EHMT1: variants seen among roughly 807,000 people sequenced by gnomAD.
EHMT1 encodes euchromatic histone lysine methyltransferase 1, also known as histone-lysine N-methyltransferase EHMT1.
In EHMT1, 15 loss-of-function variants were observed where a neutral mutation model predicts 147.2. That is an observed-to-expected ratio of 0.10 (90% CI 0.07 to 0.16). The LOEUF is 0.16. EHMT1 is among the 10% of genes least tolerant of loss of function. EHMT1 has a pLI of 1.00. For missense variants in EHMT1, 1,587 were observed against 1,772.4 expected, an observed-to-expected ratio of 0.90 and a Z score of 1.88; for synonymous variants, 795 against 709.6, an observed-to-expected ratio of 1.12 and a Z score of -1.91.
rs1475349415 is a variant in EHMT1 at position 137,685,352 on chromosome 9, A to G, written c.22-25615A>G. On this transcript the variant is annotated intron_variant, in intron 1 of 26. Coordinates refer to ENST00000460843, the MANE Select transcript of EHMT1 (RefSeq NM_024757.5). The stretch of plus-strand genomic sequence containing the variant: ...ATATTTCATGTAAGTGGAATTATAC[A>G]ATATTTGTCCTTTTGTGTCTGGCTT... 4.6e-5 allele frequency: 7 copies of G among 152,172 alleles called. No homozygotes were observed. In the East Asian group the frequency reaches 1.3e-3, roughly 29 times the overall value. 9.4% of individuals were successfully genotyped at this position (152,172 alleles called of 1,614,324 possible). A position where few individuals can be genotyped will look rare whatever the true frequency, so the allele number is the denominator to read the frequency against.
At chr9:137,816,904 A>G (rs567365292) in intron 23 of EHMT1, 26 of 206,954 alleles carry the variant, frequency 1.3e-4, no homozygotes, top group African/African-American at 4.4e-4. Flanking sequence ...TCAGAGGCCC[A>G]CATGCCAGGA....
intron 1 of EHMT1, among the ~76,000 whole-genome samples, chr9:137,681,969 T>G (rs1315915441): frequency 6.6e-6 from 1 of 152,144 alleles, no homozygotes; most frequent in Non-Finnish European, 1.5e-5. Context: ...GTTTGTTTTT[T>G]TGAGGCAGTC....
intron 18 of EHMT1, among the ~76,000 whole-genome samples, chr9:137,805,119 ATG>A (rs922590315): frequency 6.0e-5 from 9 of 150,796 alleles, no homozygotes; most frequent in Admixed American, 2.6e-4. Flanking sequence ...AGTCATCTGC[ATG>A]TGTGTGTCTC....
chr9:137,627,437 G>A (rs1019091954), intron 1 of EHMT1, among the ~76,000 whole-genome samples: 1 of 151,588 alleles, frequency 6.6e-6, no homozygotes, highest in Non-Finnish European at 1.5e-5. Context: ...TAATTTTTTT[G>A]TATATTTAGT....
At chr9:137,798,080 G>A (rs895619782) in intron 16 of EHMT1, among the ~76,000 whole-genome samples, 1 of 152,230 alleles carries the variant, frequency 6.6e-6, no homozygotes, top group African/African-American at 2.4e-5. Context: ...AAGGAAATGA[G>A]AGGGTGTTCC....
At chr9:137,820,624 G>A (rs1217731104) in intron 25 of EHMT1, among the ~76,000 whole-genome samples, 1 of 152,174 alleles carries the variant, frequency 6.6e-6, no homozygotes, top group African/African-American at 2.4e-5. Context: ...GCTTCCATGT[G>A]TAGGTTGACA....
intron 19 of EHMT1, among the ~76,000 whole-genome samples, chr9:137,811,822 G>A (rs1333601066): frequency 6.6e-6 from 1 of 152,228 alleles, no homozygotes; most frequent in Non-Finnish European, 1.5e-5. Context: ...TTTATTTCTG[G>A]GTTAGGGAGG....
intron 18 of EHMT1, among the ~76,000 whole-genome samples, chr9:137,807,058 C>T (rs186831164): frequency 5.1e-4 from 78 of 152,172 alleles, no homozygotes; most frequent in Admixed American, 2.3e-3. Context: ...TGTGTGTGCA[C>T]GTAGGGTTCA....
chr9:137,817,980 G>A, intron 24 of EHMT1, 80 bp from the exon 25 acceptor site: 1 of 1,332,262 alleles, frequency 7.5e-7, no homozygotes, highest in Non-Finnish European at 1.1e-6. Flanking sequence ...TTTCCCTGTG[G>A]CTGCGGAGTC....
chr9:137,788,846 C>CACT (rs1952243728), intron 15 of EHMT1: 1 of 152,344 alleles, frequency 6.6e-6, no homozygotes, highest in Admixed American at 6.5e-5. Flanking sequence ...TCAGCCGCTC[C>CACT]GCTTGCGGTG....
At chr9:137,648,532 C>A (rs1337945903) in intron 1 of EHMT1, among the ~76,000 whole-genome samples, 2 of 151,492 alleles carry the variant, frequency 1.3e-5, no homozygotes, top group South Asian at 4.2e-4. Context: ...GTGCCTCATG[C>A]CTGTGGTCCC....
At chr9:137,746,566 T>C (rs1389100735) in intron 6 of EHMT1, 2 of 152,246 alleles carry the variant, frequency 1.3e-5, no homozygotes, top group African/African-American at 4.8e-5. Flanking sequence ...CTAATACTTC[T>C]TTTATTTCAT....
intron 10 of EHMT1, among the ~76,000 whole-genome samples, chr9:137,769,715 G>C (rs912850677): frequency 1.3e-5 from 2 of 152,118 alleles, no homozygotes; most frequent in African/African-American, 4.8e-5. Flanking sequence ...TTGTTGTTTT[G>C]TTTTGCTTTT....
At position 137,798,791 on chromosome 9, in the gene EHMT1, C is replaced by G. The variant is rs368469234; in HGVS notation, c.2506-22C>G. The stretch of plus-strand genomic sequence containing the variant: ...AGGATCACAGGTATGGATTCTTTGA[C>G]TAAGTGGCATTTCTGTTGCAGGACG... On this transcript the variant is annotated intron_variant, in intron 16 of 26. Coordinates refer to ENST00000460843, the MANE Select transcript of EHMT1 (RefSeq NM_024757.5). 6 of 1,600,520 alleles carry G rather than the reference C, an allele frequency of 3.7e-6. No individual in the cohort carries two copies. In the East Asian group the frequency reaches 8.9e-5, roughly 24 times the overall value.
intron 12 of EHMT1, 137 bp from the exon 13 acceptor site, chr9:137,777,745 C>CTAA: frequency 7.6e-7 from 1 of 1,311,584 alleles, no homozygotes; most frequent in East Asian, 2.3e-5. Flanking sequence ...AATCCTGAAC[C>CTAA]GTTAAATCCA....
chr9:137,737,695 GCTTT>G (rs565714984), intron 4 of EHMT1, among the ~76,000 whole-genome samples: 5 of 152,190 alleles, frequency 3.3e-5, no homozygotes, highest in African/African-American at 4.8e-5. Flanking sequence ...GATGCACAAA[GCTTT>G]CTATCTCCTT....
At chr9:137,829,454 TA>T (rs2133053375) in intron 25 of EHMT1, among the ~76,000 whole-genome samples, 1 of 152,352 alleles carries the variant, frequency 6.6e-6, no homozygotes, top group East Asian at 1.9e-4. Context: ...TGATACAGTG[TA>T]AAGTTAGTTA....
chr9:137,747,853 A>C (rs1053198377), intron 6 of EHMT1: 2 of 151,398 alleles, frequency 1.3e-5, no homozygotes, highest in African/African-American at 4.9e-5. Context: ...CTAACCGTGT[A>C]GGATGGTCGT....
intron 1 of EHMT1, among the ~76,000 whole-genome samples, chr9:137,655,192 T>C (rs1267897848): frequency 6.6e-6 from 1 of 152,116 alleles, no homozygotes; most frequent in African/African-American, 2.4e-5. Context: ...TTTTTTTATT[T>C]TTAGTAGAGA....
Sources: gnomAD v4.1 joint callset for allele counts (sites outside exome capture counted in the v4.1 genomes callset) on GRCh38, gnomAD v4.1.1 for gene constraint, MANE v1.5 for transcripts, NCBI Gene and HGNC (gene_info 2026-07-23, HGNC 2026-07-21) for gene names.